PRRC2C: variants seen among roughly 807,000 people sequenced by gnomAD.
The protein encoded by PRRC2C is protein PRRC2C.
PRRC2C carries 72 observed loss-of-function variants against 317.2 expected under a neutral mutation model. The ratio of observed to expected loss-of-function variants is 0.23; its 90% CI spans 0.19 to 0.28. The LOEUF (loss-of-function observed/expected upper bound fraction) is 0.28, where lower values mean the gene tolerates loss of function less well. Among genes scored for constraint, PRRC2C ranks in the 10% least tolerant of loss-of-function variants. The pLI, the probability that PRRC2C is intolerant of heterozygous loss-of-function variation, is 1.00. For synonymous variants in PRRC2C, 1,296 were observed against 1,205.9 expected (o/e 1.07, Z -1.55); for missense variants, 3,074 against 3,459.7 (o/e 0.89, Z 2.80).
intron 1 of PRRC2C, among the ~76,000 whole-genome samples, chr1:171,499,870 C>G (rs1571594476): frequency 6.6e-6 from 1 of 152,136 alleles, no homozygotes; most frequent in Non-Finnish European, 1.5e-5. Flanking sequence ...TGAAAGCTGT[C>G]ATAGTCATGG....
intron 1 of PRRC2C, among the ~76,000 whole-genome samples, chr1:171,497,540 T>C (rs1011012683): frequency 2.6e-5 from 4 of 152,170 alleles, no homozygotes; most frequent in Admixed American, 2.6e-4. Context: ...GGCACAGTCA[T>C]GGCTCACTGT....
Position 171,540,401 on chromosome 1 carries a change from G to A in PRRC2C, c.2935G>A (p.Glu979Lys), listed in dbSNP as rs1423266159. The A allele has an allele frequency of 3.1e-6, 5 of 1,613,108 alleles. No individual in the cohort carries two copies. The Admixed American group carries it at 6.7e-5, about 22-fold the overall frequency. The change falls in exon 16 of 35, where the codon GAA becomes AAA. Residue 979 changes from glutamate (E) to lysine (K), a missense_variant. This residue lies in a region of PRRC2C where 1,320 missense variants were observed against 1,395.7 expected (regional missense o/e 0.95). Transcript: ENST00000647382. ...PKKEGFIRSS[E>K]GPKPEKVYKS... ...AAAGGAAGGCTTTATACGATCTTCT[G>A]AAGGACCAAAACCTGAAAAAGTATA... is the stretch of plus-strand genomic sequence containing the variant.
In PRRC2C at chr1:171,488,519, G is replaced by C. The variant is rs1666540156; in HGVS notation, c.-58+2784G>C. ...TAGTAAATTTTCTATTTAAGAGACA[G>C]ACCTAACTCTGTTGCCCTGGCTGGC... On this transcript the variant is annotated intron_variant, in intron 1 of 34. Transcript: ENST00000647382. Among the ~76,000 whole-genome samples the C allele has an allele frequency of 1.3e-5, 2 of 152,244 alleles. 1 individual carries two copies. Among genetic ancestry groups the C allele is most frequent in the Non-Finnish European group, 2.9e-5 (2 of 68,042 alleles).
chr1:171,514,250 A>G (rs1671904044), intron 3 of PRRC2C, among the ~76,000 whole-genome samples: 1 of 135,108 alleles, frequency 7.4e-6, no homozygotes, highest in African/African-American at 3.1e-5. Flanking sequence ...GTTTAATTAA[A>G]AGTGTGTGTG....
intron 34 of PRRC2C, among the ~76,000 whole-genome samples, chr1:171,590,821 T>C (rs568817782): frequency 9.1e-4 from 138 of 152,352 alleles, no homozygotes; most frequent in South Asian, 4.6e-3. Context: ...GATTTTCGCA[T>C]ATTCCCATGT....
Position 171,591,946 on chromosome 1 carries a change from C to A in PRRC2C, c.*99C>A. 7.0e-7 allele frequency: 1 copy of A among 1,433,784 alleles called. No individual in the cohort carries two copies. Among genetic ancestry groups the A allele is most frequent in the Non-Finnish European group, 9.5e-7 (1 of 1,054,536 alleles). The allele number at this position is 1,433,784 out of a possible 1,614,324, so 88.8% of individuals were successfully genotyped here. A position where few individuals can be genotyped will look rare whatever the true frequency, so the allele number is the denominator to read the frequency against. ...GCCAAAGGGGCAAAATGGCCTGTGA[C>A]ATTATCCTGTTCAGAGCTTGGAGAT... On this transcript the variant is annotated 3_prime_UTR_variant, in exon 35 of 35. Transcript: ENST00000647382.
In PRRC2C at chr1:171,540,892, A is replaced by G. The variant is rs1044965150; in HGVS notation, c.3426A>G (p.Lys1142=). Residue 1142 remains lysine (K), a synonymous_variant, in exon 16 of 35, where the codon AAA becomes AAG. Transcript: ENST00000647382. ...PVVKEEKQPE[K]VISKDLVIER... ...TCAAAGAAGAAAAACAACCTGAGAA[A>G]GTCATCAGCAAAGACCTTGTTATAG... The G allele has an allele frequency of 8.1e-6, 13 of 1,613,596 alleles. No individual in the cohort carries two copies. Among genetic ancestry groups the G allele is most frequent in the Admixed American group, 1.7e-5 (1 of 59,936 alleles).
intron 1 of PRRC2C, among the ~76,000 whole-genome samples, chr1:171,491,830 A>G (rs74122852): frequency 6.6e-6 from 1 of 152,224 alleles, no homozygotes; most frequent in Non-Finnish European, 1.5e-5. Flanking sequence ...AATCTTACCC[A>G]AAAACTTTGT....
At position 171,512,057 on chromosome 1, in the gene PRRC2C, G is replaced by C. The variant is rs377266455; in HGVS notation, c.-32G>C. 3.7e-5 allele frequency: 49 copies of C among 1,320,454 alleles called. No individual in the cohort carries two copies. The highest frequency in any genetic ancestry group is 4.7e-5 in the Non-Finnish European group (44 of 945,874). 81.8% of individuals were successfully genotyped at this position (1,320,454 alleles called of 1,614,324 possible). On this transcript the variant is annotated 5_prime_UTR_variant, in exon 2 of 35. Coordinates refer to ENST00000647382, the MANE Select transcript of PRRC2C (RefSeq NM_001387844.1). ...GACTGGGGTTTTAAGGGGTGTGGCA[G>C]GAGGTTTTGGACTCGATGAGTTTCC...
At chr1:171,533,377 A>G (rs1405746296) in intron 12 of PRRC2C, among the ~76,000 whole-genome samples, 1 of 152,204 alleles carries the variant, frequency 6.6e-6, no homozygotes, top group African/African-American at 2.4e-5. Flanking sequence ...CTAGTTCATA[A>G]TTTCAGGTTT....
At chr1:171,531,712 G>A (rs909296914) in intron 11 of PRRC2C, among the ~76,000 whole-genome samples, 3 of 152,144 alleles carry the variant, frequency 2.0e-5, no homozygotes, top group African/African-American at 7.2e-5. Context: ...TTGAAACTTG[G>A]ATGTTTCAGA....
chr1:171,489,254 G>A (rs1318259569), intron 1 of PRRC2C, among the ~76,000 whole-genome samples: 5 of 152,120 alleles, frequency 3.3e-5, no homozygotes, highest in African/African-American at 7.2e-5. Flanking sequence ...GGTAACCTTC[G>A]AAGAGTTTGT....
intron 1 of PRRC2C, among the ~76,000 whole-genome samples, chr1:171,490,386 A>G (rs959570317): frequency 2.6e-5 from 4 of 152,226 alleles, no homozygotes; most frequent in African/African-American, 9.7e-5. Context: ...TGAATACTGG[A>G]TAGGATCAGG....
intron 6 of PRRC2C, among the ~76,000 whole-genome samples, chr1:171,519,024 T>C (rs1239862382): frequency 6.6e-6 from 1 of 151,782 alleles, no homozygotes; most frequent in East Asian, 1.9e-4. Flanking sequence ...GCTGGGATTA[T>C]AGCTGCCCGC....
chr1:171,493,345 G>A (rs1166303517), intron 1 of PRRC2C, among the ~76,000 whole-genome samples: 3 of 152,116 alleles, frequency 2.0e-5, no homozygotes, highest in Non-Finnish European at 4.4e-5. Context: ...AAAAAACAAA[G>A]TTCAATTAAC....
At position 171,548,455 on chromosome 1, in the gene PRRC2C, T is replaced by C. The variant is rs556058155; in HGVS notation, c.4973-1631T>C. The stretch of plus-strand genomic sequence containing the variant: ...CCTTGTTGCTGTACCTAACAAGTTA[T>C]CACCATCCTGAATTGTATACTTATC... On this transcript the variant is annotated intron_variant, in intron 17 of 34. Transcript: ENST00000647382. Among the ~76,000 whole-genome samples the C allele has an allele frequency of 2.0e-5, 3 of 152,342 alleles. No individual in the cohort carries two copies. The East Asian group carries it at 5.8e-4, about 29-fold the overall frequency.
intron 19 of PRRC2C, among the ~76,000 whole-genome samples, chr1:171,559,505 G>T (rs1682146628): frequency 1.3e-4 from 12 of 95,126 alleles, no homozygotes; most frequent in East Asian, 3.2e-4. Context: ...GGCATACCAA[G>T]TTTGTTTTTT....
intron 3 of PRRC2C, 73 bp downstream of exon 3, chr1:171,513,245 A>G (rs1671698280): frequency 7.1e-7 from 1 of 1,408,052 alleles, no homozygotes; most frequent in East Asian, 2.5e-5. Context: ...AGTACCTGCT[A>G]TTTGCTAAGT....
At chr1:171,562,850 G>C (rs1475683579) in intron 20 of PRRC2C, among the ~76,000 whole-genome samples, 3 of 152,132 alleles carry the variant, frequency 2.0e-5, no homozygotes, top group African/African-American at 7.2e-5. Context: ...ATGGTATAAG[G>C]TTACCAAGGG....
Sources: allele counts gnomAD v4.1 joint callset (sites outside exome capture counted in the v4.1 genomes callset), GRCh38; gene constraint gnomAD v4.1.1; regional missense constraint gnomAD v4.1.1; transcripts MANE v1.5; gene names NCBI Gene and HGNC (gene_info 2026-07-23, HGNC 2026-07-21).